The following SNX31 variants were observed in gnomAD, a reference collection of about 807,000 sequenced individuals.
SNX31 encodes the protein sorting nexin 31, also known as sorting nexin-31.
SNX31 carries 58 observed loss-of-function variants against 65.4 expected under a neutral mutation model. The ratio of observed to expected loss-of-function variants is 0.89; its 90% CI spans 0.72 to 1.10. The LOEUF is 1.10. SNX31 is among the 50% of genes least tolerant of loss of function. The pLI, the probability that SNX31 is intolerant of heterozygous loss-of-function variation, is 0.00. For synonymous variants in SNX31, 181 were observed against 190.1 expected (o/e 0.95, Z 0.39); for missense variants, 523 against 529.7 (o/e 0.99, Z 0.12).
intron 2 of SNX31, among the ~76,000 whole-genome samples, chr8:100,636,551 AT>A (rs1466039248): frequency 6.6e-6 from 1 of 152,252 alleles, no homozygotes; most frequent in African/African-American, 2.4e-5. Context: ...AGAATGTAAA[AT>A]ATCTCGCTGA....
Position 100,614,944 on chromosome 8 carries a change from G to A in SNX31, c.433-1859C>T, listed in dbSNP as rs1236213081. On this transcript the variant is annotated intron_variant, in intron 5 of 13. Coordinates refer to ENST00000311812, the MANE Select transcript of SNX31 (RefSeq NM_152628.4). This position sits in a 1 kb window ranked among gnomAD's most constrained non-coding sequence, Gnocchi z 5.1. Reference sequence around the variant, plus strand: ...GCAGGCTGTGGGTGAGGCAAACCTGGGGAAGCAAAGTGAGAATGGCAGCAA... The same window carrying A: ...GCAGGCTGTGGGTGAGGCAAACCTGAGGAAGCAAAGTGAGAATGGCAGCAA... Among the ~76,000 whole-genome samples, 1 of 152,176 alleles carries A rather than the reference G, an allele frequency of 6.6e-6. No homozygotes were observed. Among genetic ancestry groups the A allele is most frequent in the Non-Finnish European group, 1.5e-5 (1 of 68,028 alleles).
Position 100,626,343 on chromosome 8 carries a change from C to T in SNX31, c.321+3984G>A, listed in dbSNP as rs186035365. On this transcript the variant is annotated intron_variant, in intron 4 of 13. Transcript: ENST00000311812. The surrounding 1 kb of genome is among the most constrained non-coding windows in gnomAD (Gnocchi z 4.4). ...CAAGTCATATAAATCAAAAGTAGGG[C>T]AGCCAAAATTTGAACTGAGGCCATC... 5.3e-5 allele frequency among the ~76,000 whole-genome samples: 8 copies of T among 152,246 alleles called. No individual in the cohort carries two copies. In the East Asian group the frequency reaches 1.5e-3, roughly 29 times the overall value.
In SNX31 at chr8:100,594,149, A is replaced by T. The variant is rs1251566126; in HGVS notation, c.978+2490T>A. Among the ~76,000 whole-genome samples the T allele has an allele frequency of 6.6e-6, 1 of 152,012 alleles. No homozygotes were observed. Among genetic ancestry groups the T allele is most frequent in the East Asian group, 1.9e-4 (1 of 5,164 alleles). On this transcript the variant is annotated intron_variant, in intron 10 of 13. Transcript: ENST00000311812. The surrounding 1 kb of genome is among the most constrained non-coding windows in gnomAD (Gnocchi z 4.0). ...GAAACCTCATCTCTACTAAAAATAC[A>T]AAAAATTAGCCCTGCCTGGTGGTGC...
intron 2 of SNX31, among the ~76,000 whole-genome samples, chr8:100,645,606 A>ATTTTTTT (rs10598981): frequency 9.4e-6 from 1 of 106,726 alleles, no homozygotes; most frequent in African/African-American, 3.9e-5. Flanking sequence ...CAGACTCTTC[A>ATTTTTTT]TTTTTTTTTT....
At chr8:100,635,554 T>TAAAA (rs58496992) in intron 3 of SNX31, among the ~76,000 whole-genome samples, 1 of 134,276 alleles carries the variant, frequency 7.4e-6, no homozygotes, top group Non-Finnish European at 1.6e-5. Flanking sequence ...CTTCATCTCT[T>TAAAA]AAAAAAAAAA....
intron 4 of SNX31, chr8:100,618,629 C>T: frequency 2.0e-6 from 1 of 512,628 alleles, no homozygotes; most frequent in Non-Finnish European, 3.4e-6. Context: ...ATTCTGGTTT[C>T]CATGACCCCC....
intron 8 of SNX31, among the ~76,000 whole-genome samples, chr8:100,606,720 A>T (rs958447128): frequency 1.3e-5 from 2 of 152,224 alleles, no homozygotes; most frequent in Admixed American, 1.3e-4. Context: ...CACGCTAAAT[A>T]AAGGCCACCT....
rs530532304 is a variant in SNX31, at chr8:100,630,881, G to A, written c.257-490C>T. On this transcript the variant is annotated intron_variant, in intron 3 of 13. Transcript: ENST00000311812. This position sits in a 1 kb window ranked among gnomAD's most constrained non-coding sequence, Gnocchi z 5.3. Reference sequence around the variant, plus strand: ...CGGCTCACTGCAATGTCCGTCTCCTGGGTTAAGACGATTCTCTTGCCTCAG... The same window carrying A: ...CGGCTCACTGCAATGTCCGTCTCCTAGGTTAAGACGATTCTCTTGCCTCAG... 1.3e-5 allele frequency among the ~76,000 whole-genome samples: 2 copies of A among 152,250 alleles called. No individual in the cohort carries two copies. The highest frequency in any genetic ancestry group is 4.1e-4 in the South Asian group (2 of 4,826).
At chr8:100,642,379 A>G (rs895970366) in intron 2 of SNX31, among the ~76,000 whole-genome samples, 3 of 152,224 alleles carry the variant, frequency 2.0e-5, no homozygotes, top group African/African-American at 7.2e-5. Flanking sequence ...AATCAGTTCT[A>G]ATCACAGCAG....
chr8:100,642,324 A>G (rs1819314406), intron 2 of SNX31, among the ~76,000 whole-genome samples: 1 of 151,802 alleles, frequency 6.6e-6, no homozygotes, highest in South Asian at 2.1e-4. Context: ...TTAAAAGGCC[A>G]TTGTCTTCAT....
rs969876824 is a variant in SNX31 at position 100,608,334 on chromosome 8, C to G, written c.681+160G>C. Among the ~76,000 whole-genome samples the G allele has an allele frequency of 4.5e-3, 680 of 152,216 alleles. 2 individuals carry two copies. The highest frequency in any genetic ancestry group is 0.016 in the African/African-American group (645 of 41,498). Reference sequence around the variant, plus strand: ...ACAATAACAACTTCTTCTCCACCCCCCACAGCCCCTGGTAATCTCTGTTCT... The same window carrying G: ...ACAATAACAACTTCTTCTCCACCCCGCACAGCCCCTGGTAATCTCTGTTCT... On this transcript the variant is annotated intron_variant, in intron 8 of 13. Transcript: ENST00000311812.
chr8:100,637,054 G>A (rs4480087), intron 2 of SNX31, among the ~76,000 whole-genome samples: 19,944 of 152,082 alleles, frequency 0.13, 1,824 homozygotes, highest in African/African-American at 0.26. Context: ...TTGGACCAGT[G>A]CTGGTTACAG....
chr8:100,607,286 C>T (rs1816252392), intron 8 of SNX31, among the ~76,000 whole-genome samples: 1 of 152,180 alleles, frequency 6.6e-6, no homozygotes, highest in Non-Finnish European at 1.5e-5. Flanking sequence ...TGGAAAAGAT[C>T]AGGTCTCCGA....
At position 100,626,195 on chromosome 8, in the gene SNX31, C is replaced by T. The variant is rs1180308831; in HGVS notation, c.321+4132G>A. On this transcript the variant is annotated intron_variant, in intron 4 of 13. Coordinates refer to ENST00000311812, the MANE Select transcript of SNX31 (RefSeq NM_152628.4). This position sits in a 1 kb window ranked among gnomAD's most constrained non-coding sequence, Gnocchi z 4.4. ...TACCTCATATCTATTAACATTGTGC[C>T]GGATGATATGCTTTAAGGGTATCAG... Among the ~76,000 whole-genome samples, 1 of 152,168 alleles carries T rather than the reference C, an allele frequency of 6.6e-6. No individual in the cohort carries two copies. Among genetic ancestry groups the T allele is most frequent in the African/African-American group, 2.4e-5 (1 of 41,448 alleles).
chr8:100,617,878 C>T (rs1817363730), intron 4 of SNX31, 148 bp from the exon 5 acceptor site: 3 of 713,748 alleles, frequency 4.2e-6, no homozygotes, highest in East Asian at 3.0e-5. Context: ...GATTCTCCTT[C>T]CTCAGCCTCC....
At chr8:100,641,154 G>C (rs1819145640) in intron 2 of SNX31, among the ~76,000 whole-genome samples, 1 of 152,026 alleles carries the variant, frequency 6.6e-6, no homozygotes, top group Non-Finnish European at 1.5e-5. Context: ...GGAATCAATG[G>C]GTTCACATTC....
chr8:100,614,623 C>T lies in SNX31; in HGVS notation c.433-1538G>A, dbSNP rs1817012006. On this transcript the variant is annotated intron_variant, in intron 5 of 13. Coordinates refer to ENST00000311812, the MANE Select transcript of SNX31 (RefSeq NM_152628.4). The surrounding 1 kb of genome is among the most constrained non-coding windows in gnomAD (Gnocchi z 5.1). The stretch of plus-strand genomic sequence containing the variant: ...GGCACGGTGGCTCATGCCTGTAATC[C>T]CAGCACTTTGGAAGGCTGAGGCGGG... 6.6e-6 allele frequency among the ~76,000 whole-genome samples: 1 copy of T among 152,092 alleles called. No individual in the cohort carries two copies. Among genetic ancestry groups the T allele is most frequent in the South Asian group, 2.1e-4 (1 of 4,818 alleles).
Position 100,660,672 on chromosome 8 carries a change from C to T in SNX31, c.-58+2470G>A, listed in dbSNP as rs951307728. ...GCCTTCCCCACTAACACTGGCCTGGCCTCTCCCAGCAGCCTGGCCTGGGCC... is the reference window on the plus strand; with the variant it reads ...GCCTTCCCCACTAACACTGGCCTGGTCTCTCCCAGCAGCCTGGCCTGGGCC... On this transcript the variant is annotated intron_variant, in intron 1 of 5. Coordinates refer to the SNX31 transcript ENST00000520352. The surrounding 1 kb of genome is among the most constrained non-coding windows in gnomAD (Gnocchi z 4.1). 4.6e-5 allele frequency among the ~76,000 whole-genome samples: 7 copies of T among 152,214 alleles called. No individual in the cohort carries two copies. Among genetic ancestry groups the T allele is most frequent in the African/African-American group, 1.7e-4 (7 of 41,454 alleles).
chr8:100,595,768 G>A (rs1815024405), intron 10 of SNX31, among the ~76,000 whole-genome samples: 1 of 152,186 alleles, frequency 6.6e-6, no homozygotes, highest in South Asian at 2.1e-4. Flanking sequence ...TGAGATGTCT[G>A]TGAGACACCT....
Sources: gnomAD v4.1 joint callset for allele counts (sites outside exome capture counted in the v4.1 genomes callset) on GRCh38, gnomAD v4.1.1 for gene constraint, Gnocchi (gnomAD v3.1) non-coding constraint, MANE v1.5 for transcripts, NCBI Gene and HGNC (gene_info 2026-07-23, HGNC 2026-07-21) for gene names.